Variants in PPP1R12A observed in about 807,000 individuals in gnomAD.
PPP1R12A encodes protein phosphatase 1 regulatory subunit 12A, also known as myosin binding subunit.
A neutral mutation model predicts 139.6 loss-of-function variants in PPP1R12A; 19 were observed. That is an observed-to-expected ratio of 0.14 (90% CI 0.09 to 0.20). PPP1R12A has a LOEUF of 0.20. Ranked by LOEUF, PPP1R12A falls within the 10% of genes least tolerant of loss-of-function variation. The pLI, the probability that PPP1R12A is intolerant of heterozygous loss-of-function variation, is 1.00. For missense variants in PPP1R12A, 925 were observed against 1,211.5 expected (o/e 0.76, Z 3.51); for synonymous variants, 427 against 420.6 (o/e 1.02, Z -0.19).
At chr12:79,922,096 A>G (rs1887482897) in intron 1 of PPP1R12A, among the ~76,000 whole-genome samples, 2 of 152,198 alleles carry the variant, frequency 1.3e-5, no homozygotes, top group East Asian at 3.9e-4. Flanking sequence ...ACTACTAATA[A>G]TAATGATTTT....
intron 1 of PPP1R12A, among the ~76,000 whole-genome samples, chr12:79,924,327 C>G (rs976388808): frequency 2.6e-5 from 4 of 152,196 alleles, no homozygotes; most frequent in Admixed American, 2.0e-4. Flanking sequence ...AATATGTCAT[C>G]TGTCCAAACC....
intron 1 of PPP1R12A, among the ~76,000 whole-genome samples, chr12:79,926,987 A>G (rs1887895439): frequency 6.6e-6 from 1 of 152,032 alleles, no homozygotes; most frequent in African/African-American, 2.4e-5. Flanking sequence ...ACTTGGGCCC[A>G]GAAGTTTGAG....
Position 79,795,740 on chromosome 12 carries a change from CTCT to C in PPP1R12A, c.2478_2480del (p.Glu828del). ...GTGATTTATCTTCTCCTTCTTTCTC[CTCT>C]TCTCTTTTTTCTCCCTCTGTTAAGG... On this transcript the variant is annotated inframe_deletion, in exon 18 of 25. Coordinates refer to ENST00000450142, the MANE Select transcript of PPP1R12A (RefSeq NM_002480.3). 1.2e-6 allele frequency: 2 copies of C among 1,611,040 alleles called. No homozygotes were observed. The highest frequency in any genetic ancestry group is 1.7e-5 in the Admixed American group (1 of 59,870).
intron 20 of PPP1R12A, among the ~76,000 whole-genome samples, chr12:79,790,221 AACTT>A: frequency 6.6e-6 from 1 of 152,204 alleles, no homozygotes; most frequent in Admixed American, 6.5e-5. Flanking sequence ...TAGTTGAACT[AACTT>A]AAGAAACTTT....
At chr12:79,924,256 G>A (rs1887663244) in intron 1 of PPP1R12A, among the ~76,000 whole-genome samples, 1 of 152,086 alleles carries the variant, frequency 6.6e-6, no homozygotes, top group Non-Finnish European at 1.5e-5. Context: ...AAAAAATCTT[G>A]AATATGCTAC....
At chr12:79,814,602 G>A (rs1420116067) in intron 9 of PPP1R12A, among the ~76,000 whole-genome samples, 1 of 150,286 alleles carries the variant, frequency 6.7e-6, no homozygotes, top group Non-Finnish European at 1.5e-5. Context: ...GATCACCTGA[G>A]GTCAGGAGTT....
At chr12:79,888,336 T>A (rs1884290108) in intron 1 of PPP1R12A, among the ~76,000 whole-genome samples, 1 of 152,150 alleles carries the variant, frequency 6.6e-6, no homozygotes, top group East Asian at 1.9e-4. Flanking sequence ...CCCATCTAAC[T>A]TGTAAAATAC....
chr12:79,788,898 T>C, intron 20 of PPP1R12A, 115 bp from the exon 21 acceptor site: 1 of 841,714 alleles, frequency 1.2e-6, no homozygotes, highest in South Asian at 2.7e-5. Context: ...ACAGTCTCCC[T>C]CTGTTATCTG....
At position 79,807,664 on chromosome 12, in the gene PPP1R12A, A is replaced by G. The variant is rs114055921; in HGVS notation, c.1551-334T>C. 5.1e-3 allele frequency among the ~76,000 whole-genome samples: 775 copies of G among 152,232 alleles called. 4 individuals are homozygous for G. Among genetic ancestry groups the G allele is most frequent in the African/African-American group, 0.018 (736 of 41,566 alleles). On this transcript the variant is annotated intron_variant, in intron 11 of 24. Coordinates refer to ENST00000450142, the MANE Select transcript of PPP1R12A (RefSeq NM_002480.3). Reference sequence around the variant, plus strand: ...CAAAAAAAATGCTTATTAAAAATATATATTAACATAGAAGACTGCTTATGA... The same window carrying G: ...CAAAAAAAATGCTTATTAAAAATATGTATTAACATAGAAGACTGCTTATGA...
intron 3 of PPP1R12A, among the ~76,000 whole-genome samples, chr12:79,834,066 T>C (rs945583149): frequency 1.8e-4 from 27 of 152,282 alleles, no homozygotes; most frequent in African/African-American, 6.3e-4. Flanking sequence ...GCCAGGTACA[T>C]TGTTAGATGC....
intron 14 of PPP1R12A, among the ~76,000 whole-genome samples, chr12:79,803,785 A>G (rs543412119): frequency 4.6e-5 from 7 of 152,132 alleles, no homozygotes; most frequent in Non-Finnish European, 1.0e-4. Context: ...TTCTTATGCA[A>G]TTAGAATCTG....
At chr12:79,844,841 T>A (rs1024299538) in intron 3 of PPP1R12A, among the ~76,000 whole-genome samples, 1 of 152,156 alleles carries the variant, frequency 6.6e-6, no homozygotes, top group African/African-American at 2.4e-5. Flanking sequence ...TCTCTGCATA[T>A]ACAAGACAAC....
At position 79,815,888 on chromosome 12, in the gene PPP1R12A, G is replaced by A. The variant is rs148844108; in HGVS notation, c.1239+1506C>T. 2.9e-4 allele frequency among the ~76,000 whole-genome samples: 44 copies of A among 152,238 alleles called. No individual in the cohort carries two copies. In the East Asian group the frequency reaches 7.3e-3, roughly 25 times the overall value. Reference sequence around the variant, plus strand: ...CATAGTTTCTCAATATTCAAACTATGTACCAATGAAACCAACACGTTTCTA... The same window carrying A: ...CATAGTTTCTCAATATTCAAACTATATACCAATGAAACCAACACGTTTCTA... On this transcript the variant is annotated intron_variant, in intron 9 of 24. Coordinates refer to ENST00000450142, the MANE Select transcript of PPP1R12A (RefSeq NM_002480.3).
chr12:79,821,769 G>A (rs1176270304), intron 6 of PPP1R12A, among the ~76,000 whole-genome samples: 1 of 150,114 alleles, frequency 6.7e-6, no homozygotes. Context: ...AAAAAAAACT[G>A]TTTTCTAGTG....
intron 9 of PPP1R12A, among the ~76,000 whole-genome samples, chr12:79,810,393 A>C (rs1874377481): frequency 6.6e-6 from 1 of 152,188 alleles, no homozygotes; most frequent in South Asian, 2.1e-4. Flanking sequence ...GAAATGCCTC[A>C]CCATAGATTT....
At chr12:79,840,754 T>A (rs747829233) in intron 3 of PPP1R12A, among the ~76,000 whole-genome samples, 7 of 152,234 alleles carry the variant, frequency 4.6e-5, no homozygotes, top group Non-Finnish European at 1.0e-4. Context: ...AATTTGAGAA[T>A]CTTCTTCAAG....
chr12:79,908,055 T>A (rs1886270982), intron 1 of PPP1R12A, among the ~76,000 whole-genome samples: 2 of 152,190 alleles, frequency 1.3e-5, no homozygotes, highest in Non-Finnish European at 2.9e-5. Context: ...ACTAAATTTC[T>A]GAAGAACAGA....
intron 1 of PPP1R12A, among the ~76,000 whole-genome samples, chr12:79,932,353 C>A (rs1284901926): frequency 6.6e-6 from 1 of 152,098 alleles, no homozygotes; most frequent in Non-Finnish European, 1.5e-5. Flanking sequence ...AAAGTGAACT[C>A]CCTGTTTTCA....
chr12:79,777,144 A>C, intron 24 of PPP1R12A: 1 of 898,876 alleles, frequency 1.1e-6, no homozygotes, highest in Non-Finnish European at 1.3e-6. Flanking sequence ...CTTAATCTTC[A>C]GCTTCAAAAT....
Sources: gnomAD v4.1 joint callset for allele counts (sites outside exome capture counted in the v4.1 genomes callset) on GRCh38, gnomAD v4.1.1 for gene constraint, MANE v1.5 for transcripts, NCBI Gene and HGNC (gene_info 2026-07-23, HGNC 2026-07-21) for gene names.